The following CDC23 variants were observed in gnomAD, a reference collection of about 807,000 sequenced individuals.
CDC23 encodes cell division cycle 23.
CDC23 carries 26 observed loss-of-function variants against 81.7 expected under a neutral mutation model. That is an observed-to-expected ratio of 0.32 (90% confidence interval 0.23 to 0.44). CDC23 has a LOEUF of 0.44. CDC23 is among the 20% of genes least tolerant of loss of function. The pLI is 1.00. For missense variants in CDC23, 519 were observed against 728.0 expected, an observed-to-expected ratio of 0.71 and a Z score of 3.30; for synonymous variants, 267 against 270.8, an observed-to-expected ratio of 0.99 and a Z score of 0.14.
chr5:138,188,355 T>A lies in CDC23; in HGVS notation c.*623A>T, dbSNP rs1343998469. On this transcript the variant is annotated 3_prime_UTR_variant, in exon 16 of 16. Transcript: ENST00000394886. Reference sequence around the variant, plus strand: ...TGAGATTATTTTTGCCCTTCTTTTATTCAACTCTAGTTGAATAAAGTTACT... The same window carrying A: ...TGAGATTATTTTTGCCCTTCTTTTAATCAACTCTAGTTGAATAAAGTTACT... The A allele has an allele frequency of 6.6e-6, 1 of 152,176 alleles. No homozygotes were observed. Among genetic ancestry groups the A allele is most frequent in the African/African-American group, 2.4e-5 (1 of 41,446 alleles). The allele number at this position is 152,176 out of a possible 1,614,324, so 9.4% of individuals were successfully genotyped here. A position where few individuals can be genotyped will look rare whatever the true frequency, so the allele number is the denominator to read the frequency against.
intron 4 of CDC23, among the ~76,000 whole-genome samples, 186 bp downstream of exon 4, chr5:138,201,927 C>A (rs1353748328): frequency 6.6e-6 from 1 of 152,124 alleles, no homozygotes; most frequent in Non-Finnish European, 1.5e-5. Flanking sequence ...ATCACAATAC[C>A]AACCCCAGAT....
At chr5:138,191,444 T>C in intron 13 of CDC23, 30 bp downstream of exon 13, 2 of 1,604,372 alleles carry the variant, frequency 1.2e-6, no homozygotes, top group Admixed American at 1.7e-5. Flanking sequence ...CCAACAGAAA[T>C]ATCAATAGCA....
chr5:138,209,455 G>C (rs1755089350), intron 2 of CDC23, among the ~76,000 whole-genome samples: 1 of 151,372 alleles, frequency 6.6e-6, no homozygotes, highest in African/African-American at 2.4e-5. Context: ...GAAAAGAAAA[G>C]CTTTAAGTCC....
At chr5:138,208,362 GT>G (rs1161979025) in intron 2 of CDC23, among the ~76,000 whole-genome samples, 3 of 152,208 alleles carry the variant, frequency 2.0e-5, no homozygotes, top group Non-Finnish European at 4.4e-5. Flanking sequence ...AACATATTCA[GT>G]GCTTTCTTCA....
chr5:138,187,706 A>T lies in CDC23; in HGVS notation c.*1272T>A, dbSNP rs1049802680. The T allele has an allele frequency of 7.2e-6, 2 of 277,234 alleles. No individual in the cohort carries two copies. The highest frequency in any genetic ancestry group is 4.5e-5 in the African/African-American group (2 of 44,780). The allele number at this position is 277,234 out of a possible 1,614,324, so 17.2% of individuals were successfully genotyped here. A position where few individuals can be genotyped will look rare whatever the true frequency, so the allele number is the denominator to read the frequency against. On this transcript the variant is annotated 3_prime_UTR_variant, in exon 16 of 16. Coordinates refer to ENST00000394886, the MANE Select transcript of CDC23 (RefSeq NM_004661.4). Reference sequence around the variant, plus strand: ...TGTAGCAAAATCATTAAAACAAATTATAAAAGGGACAGAAAAATTAAGAAT... The same window carrying T: ...TGTAGCAAAATCATTAAAACAAATTTTAAAAGGGACAGAAAAATTAAGAAT...
intron 13 of CDC23, among the ~76,000 whole-genome samples, chr5:138,190,600 C>T (rs2126578446): frequency 6.6e-6 from 1 of 152,108 alleles, no homozygotes; most frequent in Admixed American, 6.5e-5. Flanking sequence ...TCTGTCTCTA[C>T]TAAAAAATAC....
intron 9 of CDC23, among the ~76,000 whole-genome samples, chr5:138,195,772 G>GTATATATATACATATATTTTATATA (rs1561634205): frequency 9.8e-6 from 1 of 101,666 alleles, no homozygotes; most frequent in African/African-American, 4.0e-5. Flanking sequence ...TATTATATAT[G>GTATATATATACATATATTTTATATA]TGTATATATA....
chr5:138,201,031 T>C, intron 6 of CDC23, 76 bp downstream of exon 6: 1 of 1,525,540 alleles, frequency 6.6e-7, no homozygotes, highest in Non-Finnish European at 8.9e-7. Context: ...GCCAAAACTT[T>C]CCCCACCCCT....
At chr5:138,206,816 T>C (rs1337408613) in intron 2 of CDC23, 132 bp from the exon 3 acceptor site, 6 of 581,442 alleles carry the variant, frequency 1.0e-5, no homozygotes, top group African/African-American at 3.8e-5. Context: ...ACCTAGAATA[T>C]GTAGATGCAT....
rs1041327044 is a variant in CDC23 at position 138,201,264 on chromosome 5, A to G, written c.522-25T>C. The G allele has an allele frequency of 3.1e-6, 5 of 1,613,750 alleles. No individual in the cohort carries two copies. In the East Asian group the frequency reaches 6.7e-5, roughly 22 times the overall value. ...CCTGGGAAAAAAAAGAAACAATCAC[A>G]GAAGTTAATGCTATTTAATAGCTGC... On this transcript the variant is annotated intron_variant, in intron 5 of 15. Transcript: ENST00000394886.
chr5:138,206,640 G>A lies in CDC23; in HGVS notation c.279C>T (p.Tyr93=). The A allele has an allele frequency of 2.5e-6, 4 of 1,614,034 alleles. No individual in the cohort carries two copies. Among genetic ancestry groups the A allele is most frequent in the Non-Finnish European group, 2.5e-6 (3 of 1,179,960 alleles). Residue 93 remains tyrosine, a synonymous_variant, in exon 3 of 16, where the codon TAC becomes TAT. Transcript: ENST00000394886. Reference sequence around the variant, plus strand: ...CCCGATCATACTCTTTAACGTCAAAGTAGGCCTTGGCCAGGGTATAGGCAT... The same window carrying A: ...CCCGATCATACTCTTTAACGTCAAAATAGGCCTTGGCCAGGGTATAGGCAT... The part of the protein sequence containing the change: ...DMDAYTLAKA[Y]FDVKEYDRAA...
chr5:138,205,696 G>GAAAAAAAAA (rs35284930), intron 3 of CDC23, among the ~76,000 whole-genome samples: 2 of 126,982 alleles, frequency 1.6e-5, no homozygotes, highest in Non-Finnish European at 3.3e-5. Context: ...TGGTAAATTG[G>GAAAAAAAAA]AAAAAAAAAA....
intron 6 of CDC23, among the ~76,000 whole-genome samples, chr5:138,199,080 G>A (rs543871658): frequency 4.6e-5 from 7 of 152,154 alleles, no homozygotes; most frequent in Admixed American, 1.3e-4. Flanking sequence ...GTCTAGACAC[G>A]GGTAATAGCA....
rs375023584 is a variant in CDC23 at position 138,188,968 on chromosome 5, G to T, written c.*10C>A. On this transcript the variant is annotated 3_prime_UTR_variant, in exon 16 of 16. Coordinates refer to ENST00000394886, the MANE Select transcript of CDC23 (RefSeq NM_004661.4). ...TGGGTCTAACAATGTGCTGGCTTGA[G>T]AGTAGCCAACTATGGCGTGACAGAA... The T allele has an allele frequency of 1.9e-6, 3 of 1,613,094 alleles. No homozygotes were observed. In the South Asian group the frequency reaches 3.3e-5, roughly 18 times the overall value.
At chr5:138,191,686 T>C (rs1023894961) in intron 12 of CDC23, 151 bp from the exon 13 acceptor site, 3 of 936,076 alleles carry the variant, frequency 3.2e-6, no homozygotes, top group Admixed American at 3.7e-5. Flanking sequence ...GGCTACACAC[T>C]GACATTCCCA....
chr5:138,189,333 T>TGCA (rs1439744516), intron 15 of CDC23, among the ~76,000 whole-genome samples, 185 bp from the exon 16 acceptor site: 2 of 151,698 alleles, frequency 1.3e-5, no homozygotes, highest in Non-Finnish European at 2.9e-5. Flanking sequence ...CAAGGCTCAC[T>TGCA]GCAGCCTCGA....
intron 2 of CDC23, among the ~76,000 whole-genome samples, chr5:138,212,254 C>T (rs1254452030): frequency 1.3e-5 from 2 of 152,188 alleles, no homozygotes; most frequent in Non-Finnish European, 2.9e-5. Context: ...CTCAATCCAG[C>T]ACCCAAACTT....
Position 138,211,855 on chromosome 5 carries a change from C to T in CDC23, c.234+1136G>A, listed in dbSNP as rs527308290. Among the ~76,000 whole-genome samples, 102 of 152,174 alleles carry T rather than the reference C, an allele frequency of 6.7e-4. 2 individuals carry two copies. The South Asian group carries it at 0.012, about 18-fold the overall frequency. On this transcript the variant is annotated intron_variant, in intron 2 of 15. Transcript: ENST00000394886. The stretch of plus-strand genomic sequence containing the variant: ...TATCCTATTCAGGACCAACGATGGG[C>T]CTAGGCATTATGAAAGTGGGCACAA...
intron 4 of CDC23, 26 bp from the exon 5 acceptor site, chr5:138,201,474 C>G (rs1191342882): frequency 6.8e-7 from 1 of 1,470,116 alleles, no homozygotes; most frequent in Non-Finnish European, 9.4e-7. Context: ...AGTCTCTGTT[C>G]TAAGGTTAGG....
Sources: allele counts gnomAD v4.1 joint callset (sites outside exome capture counted in the v4.1 genomes callset), GRCh38; gene constraint gnomAD v4.1.1; transcripts MANE v1.5; gene names NCBI Gene and HGNC (gene_info 2026-07-23, HGNC 2026-07-21).